CCDC28B: variants seen among roughly 807,000 people sequenced by gnomAD.
The protein encoded by CCDC28B is coiled-coil domain-containing protein 28B.
CCDC28B carries 17 observed loss-of-function variants against 18.7 expected under a neutral mutation model. The observed-to-expected ratio is 0.91, with a 90% confidence interval of 0.62 to 1.36. CCDC28B has a LOEUF of 1.36. CCDC28B is among the 40% of genes most tolerant of loss of function. The pLI is 0.00. For missense variants in CCDC28B, 213 were observed against 251.7 expected, an observed-to-expected ratio of 0.85 and a Z score of 1.04; for synonymous variants, 116 against 105.1, an observed-to-expected ratio of 1.10 and a Z score of -0.64.
rs1475281610 is a variant in CCDC28B at position 32,204,287 on chromosome 1, G to A, written c.433G>A (p.Asp145Asn). The A allele has an allele frequency of 1.9e-5, 30 of 1,613,656 alleles. No individual in the cohort carries two copies. The highest frequency in any genetic ancestry group is 2.5e-5 in the Non-Finnish European group (29 of 1,179,854). ...GGATGTGTGTGGGGAGGAGGAGGAC[G>A]ATGAAGAGGAAGAGGATGGGGTCAC... ...SLDVCGEEED[D>N]EEEEDGVTEG... is the part of the protein sequence containing the mutation. Residue 145 changes from aspartate to asparagine, a missense_variant, in exon 4 of 6, where the codon GAT becomes AAT. By Grantham distance (23) the Asp-to-Asn change is conservative. Transcript: ENST00000373602.
At chr1:32,204,905 A>G (rs1643272250) in intron 5 of CCDC28B, 1 of 1,469,360 alleles carries the variant, frequency 6.8e-7, no homozygotes, top group African/African-American at 1.4e-5. Context: ...CTATCCTTTC[A>G]GCATTGAACA....
chr1:32,204,754 C>A (rs1255694003), intron 5 of CCDC28B, 134 bp downstream of exon 5: 5 of 1,613,656 alleles, frequency 3.1e-6, no homozygotes, highest in Admixed American at 3.3e-5. Context: ...TAGCCACAGA[C>A]TGCCCAAACC....
chr1:32,200,376 C>G (rs970885460), upstream of CCDC28B: 2 of 152,308 alleles, frequency 1.3e-5, no homozygotes, highest in Non-Finnish European at 2.9e-5. Context: ...CGCCCCACCC[C>G]CTTTCTGACA....
chr1:32,199,301 G>T (rs1333552279), upstream of CCDC28B, among the ~76,000 whole-genome samples: 1 of 152,164 alleles, frequency 6.6e-6, no homozygotes, highest in Non-Finnish European at 1.5e-5. Flanking sequence ...GACCCTTCTA[G>T]CTGGGTCCTG....
chr1:32,202,236 G>C (rs1643163310), intron 2 of CCDC28B, 137 bp downstream of exon 2: 1 of 1,149,406 alleles, frequency 8.7e-7, no homozygotes, highest in Admixed American at 2.0e-5. Context: ...TGAGAACTCA[G>C]AGCTCACTCA....
At chr1:32,203,846 C>T (rs1485380691) in intron 2 of CCDC28B, 33 bp from the exon 3 acceptor site, 4 of 1,482,402 alleles carry the variant, frequency 2.7e-6, no homozygotes, top group Admixed American at 5.0e-5. Context: ...CTGCCCCCTA[C>T]CCTGTGATCA....
intron 2 of CCDC28B, chr1:32,202,471 T>C (rs1643167886): frequency 1.3e-5 from 5 of 383,998 alleles, no homozygotes; most frequent in South Asian, 6.1e-5. Context: ...GAACAGGAAA[T>C]GGTGAGGAAA....
chr1:32,204,125 G>T (rs1419353875), intron 3 of CCDC28B, 61 bp from the exon 4 acceptor site: 24 of 1,604,484 alleles, frequency 1.5e-5, no homozygotes, highest in Non-Finnish European at 2.0e-5. Context: ...TGGGACCATG[G>T]TTCCAGGGTT....
chr1:32,198,827 A>G (rs1643083481), upstream of CCDC28B, among the ~76,000 whole-genome samples: 1 of 152,092 alleles, frequency 6.6e-6, no homozygotes, highest in Non-Finnish European at 1.5e-5. Context: ...TCCAGAGGGC[A>G]GGGGGGGCAA....
In CCDC28B at chr1:32,203,963, C is replaced by T. The variant is rs1474022490; in HGVS notation, c.249C>T (p.Thr83=). The T allele has an allele frequency of 8.2e-6, 13 of 1,581,620 alleles. No homozygotes were observed. Among genetic ancestry groups the T allele is most frequent in the Admixed American group, 7.3e-5 (4 of 54,858 alleles). The change falls in exon 3 of 6, where the codon ACC becomes ACT. Residue 83 remains threonine (T), a synonymous_variant. Transcript: ENST00000373602. ...CGCCCCTGCAGCACTCCTTCCTGAC[C>T]GAGGTGACTGATGTCTATGAGATGG... ...AGTPLQHSFL[T]EVTDVYEMEG...
chr1:32,204,282 A>G lies in CCDC28B; in HGVS notation c.428A>G (p.Glu143Gly). 1 of 1,613,776 alleles carries G rather than the reference A, an allele frequency of 6.2e-7. No individual in the cohort carries two copies. Among genetic ancestry groups the G allele is most frequent in the Non-Finnish European group, 8.5e-7 (1 of 1,179,864 alleles). ...AGCCTGGATGTGTGTGGGGAGGAGG[A>G]GGACGATGAAGAGGAAGAGGATGGG... ...HFSLDVCGEEEDDEEEEDGVT... is the reference protein window; with the variant it reads ...HFSLDVCGEEGDDEEEEDGVT... Residue 143 changes from glutamate (E) to glycine (G), a missense_variant, in exon 4 of 6, where the codon GAG becomes GGG. Coordinates refer to ENST00000373602, the MANE Select transcript of CCDC28B (RefSeq NM_024296.5).
chr1:32,197,968 G>C (rs1274316106), upstream of CCDC28B: 1 of 152,490 alleles, frequency 6.6e-6, no homozygotes, highest in Non-Finnish European at 1.5e-5. The surrounding 1 kb of genome is among the most constrained non-coding windows in gnomAD (Gnocchi z 4.6). Flanking sequence ...CCGGAGGCCA[G>C]TGGAGCTGCC....
chr1:32,204,135 TC>T, intron 3 of CCDC28B, 50 bp from the exon 4 acceptor site: 1 of 1,608,416 alleles, frequency 6.2e-7, no homozygotes, highest in Non-Finnish European at 8.5e-7. Flanking sequence ...GTTCCAGGGT[TC>T]CAGGGTTCCA....
chr1:32,205,026 A>T lies in CCDC28B; in HGVS notation c.549-168A>T, dbSNP rs1643276601. On this transcript the variant is annotated intron_variant, in intron 5 of 5. Transcript: ENST00000373602. The surrounding 1 kb of genome is among the most constrained non-coding windows in gnomAD (Gnocchi z 5.6). ...TGACCTGCACGATCTGGATGAAGAG[A>T]GAGGGGGTGAGAGAGGGCAGGCGGG... The T allele has an allele frequency of 8.6e-7, 1 of 1,159,794 alleles. No individual in the cohort carries two copies. The highest frequency in any genetic ancestry group is 2.6e-5 in the East Asian group (1 of 38,664). 71.8% of individuals were successfully genotyped at this position (1,159,794 alleles called of 1,614,324 possible). A position where few individuals can be genotyped will look rare whatever the true frequency, so the allele number is the denominator to read the frequency against.
intron 2 of CCDC28B, 87 bp from the exon 3 acceptor site, chr1:32,203,792 A>G (rs2124189997): frequency 9.4e-7 from 1 of 1,068,344 alleles, no homozygotes; most frequent in East Asian, 2.7e-5. Context: ...AGACAGATAA[A>G]CTGGTGCATA....
At position 32,200,715 on chromosome 1, in the gene CCDC28B, T is replaced by C. The variant is rs531293703; in HGVS notation, c.-24+6T>C. The C allele has an allele frequency of 5.3e-5, 8 of 152,362 alleles. No homozygotes were observed. The highest frequency in any genetic ancestry group is 1.7e-4 in the African/African-American group (7 of 41,584). 9.4% of individuals were successfully genotyped at this position (152,362 alleles called of 1,614,324 possible). A position where few individuals can be genotyped will look rare whatever the true frequency, so the allele number is the denominator to read the frequency against. On this transcript the variant is annotated splice_donor_region_variant and intron_variant, in intron 1 of 5. Transcript: ENST00000373602. ...TCGAGACCCCAAACCTCCAGGTCAG[T>C]AGCCCCCTGAGGGAGTGAGGGCGGG... is the stretch of plus-strand genomic sequence containing the variant.
upstream of CCDC28B, among the ~76,000 whole-genome samples, chr1:32,198,999 G>A (rs1436843574): frequency 6.6e-6 from 1 of 152,192 alleles, no homozygotes; most frequent in African/African-American, 2.4e-5. Flanking sequence ...GCCTGCCCAA[G>A]GGAATTCACA....
chr1:32,202,761 A>ATT (rs1643173523), intron 2 of CCDC28B: 1 of 156,694 alleles, frequency 6.4e-6, no homozygotes, highest in South Asian at 1.9e-4. Context: ...AGCAGTGGAA[A>ATT]TTTTAAGACA....
At chr1:32,196,613 A>T (rs1643030854), upstream of CCDC28B, 1 of 152,136 alleles carries the variant, frequency 6.6e-6, no homozygotes, top group Admixed American at 6.5e-5. Flanking sequence ...GCTGTTGCAA[A>T]CTTGCCAGGG....
Sources: allele counts gnomAD v4.1 joint callset (sites outside exome capture counted in the v4.1 genomes callset), GRCh38; gene constraint gnomAD v4.1.1; non-coding constraint Gnocchi (gnomAD v3.1); transcripts MANE v1.5; gene names NCBI Gene and HGNC (gene_info 2026-07-23, HGNC 2026-07-21).